The following ACOT1 variants were observed in gnomAD, a reference collection of about 807,000 sequenced individuals.
The protein encoded by ACOT1 is acyl-coenzyme A thioesterase 1.
ACOT1 carries 8 observed loss-of-function variants against 15.7 expected under a neutral mutation model. That is an observed-to-expected ratio of 0.51 (90% CI 0.30 to 0.92). The LOEUF (loss-of-function observed/expected upper bound fraction) is 0.92. ACOT1 is among the 40% of genes least tolerant of loss of function. ACOT1 has a pLI of 0.06. For missense variants in ACOT1, 151 were observed against 539.4 expected, an observed-to-expected ratio of 0.28 and a Z score of 7.13; for synonymous variants, 67 against 241.2, an observed-to-expected ratio of 0.28 and a Z score of 6.69.
chr14:73,503,345 A>T, the ACOT1 span, among the ~76,000 whole-genome samples: 3 of 152,200 alleles, frequency 2.0e-5, no homozygotes, highest in Non-Finnish European at 4.4e-5. Flanking sequence ...TTAAAATTTG[A>T]AAGTGATACT....
the ACOT1 span, among the ~76,000 whole-genome samples, chr14:73,506,887 G>T: frequency 1.5e-5 from 2 of 132,690 alleles, no homozygotes; most frequent in African/African-American, 5.6e-5. Flanking sequence ...TGCAACCTCC[G>T]CCTCTCGGGT....
upstream of ACOT1, among the ~76,000 whole-genome samples, chr14:73,534,156 A>G (rs1888792259): frequency 8.9e-6 from 1 of 112,868 alleles, no homozygotes; most frequent in Non-Finnish European, 1.9e-5. Flanking sequence ...TGAAGCAGGC[A>G]GATTACAAGG....
At chr14:73,491,885 T>A in the ACOT1 span, 1 of 1,611,836 alleles carries the variant, frequency 6.2e-7, no homozygotes, top group Non-Finnish European at 8.5e-7. Flanking sequence ...GTGGTCCCTG[T>A]ACCAGGCCGG....
chr14:73,535,276 C>T (rs1684848846), upstream of ACOT1, among the ~76,000 whole-genome samples: 2 of 112,896 alleles, frequency 1.8e-5, no homozygotes, highest in South Asian at 5.7e-4. Flanking sequence ...GAGAAGGGAT[C>T]TTTTAAATAT....
At chr14:73,491,614 G>T in the ACOT1 span, 1 of 1,547,458 alleles carries the variant, frequency 6.5e-7, no homozygotes, top group African/African-American at 1.4e-5. Flanking sequence ...CCAGCAGCCG[G>T]CGGCGAGCGG....
chr14:73,512,038 C>T, the ACOT1 span: 127 of 1,614,042 alleles, frequency 7.9e-5, no homozygotes, highest in South Asian at 4.9e-4. Flanking sequence ...AATCCGGGGC[C>T]GTTCCAAAGC....
chr14:73,506,804 G>GTTTTTTT, the ACOT1 span, among the ~76,000 whole-genome samples: 11,409 of 80,076 alleles, frequency 0.14, 2,219 homozygotes, highest in Non-Finnish European at 0.18. Context: ...GACTTTAACT[G>GTTTTTTT]TTTTTTTTTT....
the ACOT1 span, among the ~76,000 whole-genome samples, chr14:73,511,248 C>G: frequency 6.6e-6 from 1 of 152,106 alleles, no homozygotes; most frequent in Non-Finnish European, 1.5e-5. Flanking sequence ...TGCGGTGGCT[C>G]ATGCCTGTAA....
At chr14:73,493,028 G>A in the ACOT1 span, 8 of 1,534,180 alleles carry the variant, frequency 5.2e-6, no homozygotes, top group Admixed American at 2.1e-5. Context: ...TTAAACTCAC[G>A]TTCTTACCTT....
the ACOT1 span, chr14:73,506,454 G>T: frequency 1.9e-6 from 3 of 1,604,980 alleles, no homozygotes; most frequent in South Asian, 1.1e-5. Context: ...TGGAGGCAAA[G>T]AAAGAGGTTT....
the ACOT1 span, chr14:73,523,215 G>A: frequency 6.8e-7 from 1 of 1,460,928 alleles, no homozygotes; most frequent in Non-Finnish European, 9.1e-7. Context: ...CTGGAGATGA[G>A]ACCTGGCACC....
the ACOT1 span, among the ~76,000 whole-genome samples, chr14:73,510,677 C>T: frequency 6.6e-6 from 1 of 152,160 alleles, no homozygotes; most frequent in Non-Finnish European, 1.5e-5. Flanking sequence ...TTCAGGTGAT[C>T]CACCTGCCTT....
the ACOT1 span, among the ~76,000 whole-genome samples, chr14:73,501,993 C>G: frequency 6.6e-6 from 1 of 151,872 alleles, no homozygotes; most frequent in Non-Finnish European, 1.5e-5. Flanking sequence ...GATCCACCCG[C>G]CTCGGCCTCC....
At chr14:73,524,310 A>AAAAAAAAATATATATATATAT in the ACOT1 span, among the ~76,000 whole-genome samples, 4 of 54,772 alleles carry the variant, frequency 7.3e-5, no homozygotes, top group African/African-American at 2.6e-4. Flanking sequence ...AAAAAAAAAA[A>AAAAAAAAATATATATATATAT]ATATATATAT....
the ACOT1 span, among the ~76,000 whole-genome samples, chr14:73,510,548 G>T: frequency 6.6e-6 from 1 of 151,968 alleles, no homozygotes. Flanking sequence ...CGATTCTTCT[G>T]CCTCAGCCTT....
the ACOT1 span, among the ~76,000 whole-genome samples, chr14:73,511,535 A>G: frequency 8.2e-6 from 1 of 122,216 alleles, no homozygotes. Flanking sequence ...AAATAAATAA[A>G]TAAATAAATA....
chr14:73,500,426 C>A, the ACOT1 span: 1 of 1,072,514 alleles, frequency 9.3e-7, no homozygotes, highest in Non-Finnish European at 1.3e-6. Context: ...TATACACCCC[C>A]TTCCCAGTTC....
the ACOT1 span, among the ~76,000 whole-genome samples, chr14:73,513,850 T>C: frequency 6.6e-6 from 1 of 151,642 alleles, no homozygotes; most frequent in Non-Finnish European, 1.5e-5. Context: ...CCCAGATATA[T>C]GTTAACTGAA....
the ACOT1 span, among the ~76,000 whole-genome samples, chr14:73,503,492 A>G: frequency 2.6e-4 from 40 of 152,306 alleles, no homozygotes; most frequent in Admixed American, 6.5e-5. Context: ...GGCAAAGATT[A>G]CTACACGATG....
Sources: allele counts gnomAD v4.1 joint callset (sites outside exome capture counted in the v4.1 genomes callset), GRCh38; gene constraint gnomAD v4.1.1; transcripts MANE v1.5; gene names NCBI Gene and HGNC (gene_info 2026-07-23, HGNC 2026-07-21).